WLS: variants seen among roughly 807,000 people sequenced by gnomAD.
WLS encodes protein wntless homolog.
A neutral mutation model predicts 62.8 loss-of-function variants in WLS; 23 were observed. The ratio of observed to expected loss-of-function variants is 0.37; its 90% CI spans 0.26 to 0.52. The LOEUF (loss-of-function observed/expected upper bound fraction) is 0.52. WLS is among the 20% of genes least tolerant of loss of function. The pLI is 0.92. For synonymous variants in WLS, 246 were observed against 244.1 expected (o/e 1.01, Z -0.07); for missense variants, 615 against 697.3 (o/e 0.88, Z 1.33).
intron 6 of WLS, among the ~76,000 whole-genome samples, 176 bp downstream of exon 6, chr1:68,150,012 G>A (rs961410332): frequency 1.3e-5 from 2 of 152,172 alleles, no homozygotes; most frequent in Non-Finnish European, 2.9e-5. Flanking sequence ...CAGCTGGTCA[G>A]CAGGTGGTGA....
At chr1:68,203,575 A>G (rs988181387) in intron 1 of WLS, among the ~76,000 whole-genome samples, 6 of 152,184 alleles carry the variant, frequency 3.9e-5, no homozygotes, top group Non-Finnish European at 7.3e-5. Context: ...ATGAAAATGC[A>G]CTAAACTCCC....
intron 1 of WLS, among the ~76,000 whole-genome samples, chr1:68,206,154 G>T (rs1649271341): frequency 6.6e-6 from 1 of 152,200 alleles, no homozygotes; most frequent in Non-Finnish European, 1.5e-5. Context: ...GATGAGTGAT[G>T]TCATTCACTA....
At chr1:68,153,082 C>T (rs1189724392) in intron 5 of WLS, among the ~76,000 whole-genome samples, 1 of 152,084 alleles carries the variant, frequency 6.6e-6, no homozygotes, top group East Asian at 1.9e-4. Flanking sequence ...ATTTCGAGAT[C>T]AGCCTGGGCA....
At chr1:68,223,319 A>G (rs1302752857) in intron 1 of WLS, among the ~76,000 whole-genome samples, 1 of 152,214 alleles carries the variant, frequency 6.6e-6, no homozygotes, top group East Asian at 1.9e-4. Context: ...ATAATGAAAT[A>G]CTTGGTTATA....
chr1:68,183,229 T>A (rs567905863), intron 2 of WLS, among the ~76,000 whole-genome samples: 24 of 152,164 alleles, frequency 1.6e-4, no homozygotes, highest in Admixed American at 1.5e-3. Context: ...TATAACATAG[T>A]CATAAATTAA....
rs1557467783 is a variant in WLS at position 68,136,862 on chromosome 1, G to A, written c.1516+918C>T. On this transcript the variant is annotated intron_variant, in intron 11 of 11. Transcript: ENST00000262348. The stretch of plus-strand genomic sequence containing the variant: ...AAGGTGAGGCCAACCCTTGGCTCTG[G>A]GGGGCTGCTACCCTGGTTTCCACTG... Among the ~76,000 whole-genome samples, 4 of 152,210 alleles carry A rather than the reference G, an allele frequency of 2.6e-5. No individual in the cohort carries two copies. In the South Asian group the frequency reaches 8.3e-4, roughly 31 times the overall value.
intron 11 of WLS, among the ~76,000 whole-genome samples, chr1:68,101,191 A>G (rs1646073176): frequency 6.6e-6 from 1 of 152,180 alleles, no homozygotes; most frequent in African/African-American, 2.4e-5. Context: ...TAACAGTAAC[A>G]TGGGGATGAT....
At position 68,125,826 on chromosome 1, in the gene WLS, A is replaced by T; in HGVS notation, c.*400T>A. 1 of 1,010,058 alleles carries T rather than the reference A, an allele frequency of 9.9e-7. No individual in the cohort carries two copies. Among genetic ancestry groups the T allele is most frequent in the Non-Finnish European group, 1.2e-6 (1 of 845,116 alleles). 62.6% of individuals were successfully genotyped at this position (1,010,058 alleles called of 1,614,324 possible). ...GGACTGGGACCGCAAAGGATGTTAAAATCTATCCTAGAATTTAAAACAGGA... is the reference window on the plus strand; with the variant it reads ...GGACTGGGACCGCAAAGGATGTTAATATCTATCCTAGAATTTAAAACAGGA... On this transcript the variant is annotated 3_prime_UTR_variant, in exon 12 of 12. Transcript: ENST00000262348.
At chr1:68,187,422 A>G (rs1248529686) in intron 2 of WLS, among the ~76,000 whole-genome samples, 1 of 152,102 alleles carries the variant, frequency 6.6e-6, no homozygotes, top group Non-Finnish European at 1.5e-5. Context: ...GCTTGAGTAC[A>G]GTATTTTTGT....
rs1182313680 is a variant in WLS at position 68,126,160 on chromosome 1, T to C, written c.*66A>G. 1.3e-6 allele frequency: 2 copies of C among 1,594,076 alleles called. No homozygotes were observed. The highest frequency in any genetic ancestry group is 3.5e-5 in the Admixed American group (2 of 57,292). On this transcript the variant is annotated 3_prime_UTR_variant, in exon 12 of 12. Transcript: ENST00000262348. ...TTTGTACATTGAGCTCTCTCTGGCA[T>C]GCTCCCCACTCTAGTTAGAGGGGCT...
intron 2 of WLS, chr1:68,162,143 T>C (rs1035370872): frequency 1.3e-6 from 2 of 1,488,122 alleles, no homozygotes; most frequent in African/African-American, 2.8e-5. Flanking sequence ...GGAGTGCAGA[T>C]AAGATTCGGT....
chr1:68,131,062 TTGTG>T (rs6143260), intron 11 of WLS, among the ~76,000 whole-genome samples: 108 of 146,026 alleles, frequency 7.4e-4, no homozygotes, highest in East Asian at 2.8e-3. Context: ...CCAGCTAATT[TTGTG>T]TGTGTGTGTG....
intron 1 of WLS, among the ~76,000 whole-genome samples, chr1:68,211,105 C>T (rs1649497532): frequency 6.6e-6 from 1 of 152,190 alleles, no homozygotes; most frequent in Non-Finnish European, 1.5e-5. Flanking sequence ...CTTTTCTAAA[C>T]ACTGTCTTTT....
chr1:68,119,914 A>G (rs1276298237), intron 11 of WLS, among the ~76,000 whole-genome samples: 1 of 152,230 alleles, frequency 6.6e-6, no homozygotes, highest in Non-Finnish European at 1.5e-5. Context: ...TGAGTTGAAG[A>G]GAGATCTTGC....
At chr1:68,220,916 T>C (rs1464340183) in intron 1 of WLS, among the ~76,000 whole-genome samples, 1 of 152,214 alleles carries the variant, frequency 6.6e-6, no homozygotes, top group Non-Finnish European at 1.5e-5. Context: ...TAATCTTGAC[T>C]TTGTTAAAAT....
At chr1:68,109,700 T>A (rs1646195916) in intron 11 of WLS, among the ~76,000 whole-genome samples, 1 of 151,984 alleles carries the variant, frequency 6.6e-6, no homozygotes, top group Non-Finnish European at 1.5e-5. Context: ...AAAAAGATTA[T>A]AAATAAGAAA....
rs755899734 is a variant in WLS at position 68,148,604 on chromosome 1, G to A, written c.1029C>T (p.Ala343=). Residue 343 remains alanine (A), a synonymous_variant, in exon 7 of 12, where the codon GCC becomes GCT. Coordinates refer to ENST00000262348, the MANE Select transcript of WLS (RefSeq NM_024911.7). ...AGYWKQVGPI[A]VGSFCLFIFD... The stretch of plus-strand genomic sequence containing the variant: ...ATATGAAGAGGCAGAAGGAGCCAAC[G>A]GCAATGGGTCCGACTTGCTTCCAAT... 8 of 1,613,950 alleles carry A rather than the reference G, an allele frequency of 5.0e-6. No homozygotes were observed. The highest frequency in any genetic ancestry group is 1.7e-5 in the Admixed American group (1 of 59,990).
chr1:68,112,316 C>T (rs1646238226), intron 11 of WLS, among the ~76,000 whole-genome samples: 1 of 152,214 alleles, frequency 6.6e-6, no homozygotes, highest in Non-Finnish European at 1.5e-5. Context: ...ACCAATTCAG[C>T]AGTCTCCTCT....
chr1:68,104,031 C>T (rs1227791548), intron 11 of WLS, among the ~76,000 whole-genome samples: 1 of 152,152 alleles, frequency 6.6e-6, no homozygotes, highest in Non-Finnish European at 1.5e-5. Context: ...CAGCAAGCCA[C>T]ACTGGCTCAA....
Sources: gnomAD v4.1 joint callset for allele counts (sites outside exome capture counted in the v4.1 genomes callset) on GRCh38, gnomAD v4.1.1 for gene constraint, MANE v1.5 for transcripts, NCBI Gene and HGNC (gene_info 2026-07-23, HGNC 2026-07-21) for gene names.